The following KDM4B variants were observed in gnomAD, a reference collection of about 807,000 sequenced individuals.
The protein encoded by KDM4B is lysine demethylase 4B, also known as lysine-specific demethylase 4B.
In KDM4B, 32 loss-of-function variants were observed where a neutral mutation model predicts 125.2. That is an observed-to-expected ratio of 0.26 (90% CI 0.19 to 0.34). The LOEUF is 0.34. Ranked by LOEUF, KDM4B falls within the 10% of genes least tolerant of loss-of-function variation. The pLI, the probability that KDM4B is intolerant of heterozygous loss-of-function variation, is 1.00. For synonymous variants in KDM4B, 721 were observed against 677.9 expected (o/e 1.06, Z -0.99); for missense variants, 1,190 against 1,577.7 (o/e 0.75, Z 4.16).
At chr19:5,069,029 A>G (rs2037864142) in intron 6 of KDM4B, among the ~76,000 whole-genome samples, 1 of 152,148 alleles carries the variant, frequency 6.6e-6, no homozygotes, top group African/African-American at 2.4e-5. Context: ...CCCTGTGCGG[A>G]GGGGTCTTTA....
intron 11 of KDM4B, among the ~76,000 whole-genome samples, chr19:5,128,946 G>A (rs1353011907): frequency 6.6e-6 from 1 of 152,098 alleles, no homozygotes; most frequent in African/African-American, 2.4e-5. Flanking sequence ...CAGGACCTGG[G>A]GGTGTTCCAG....
intron 9 of KDM4B, among the ~76,000 whole-genome samples, chr19:5,102,566 TGGGGCC>T (rs1055327354): frequency 6.6e-6 from 1 of 151,208 alleles, no homozygotes; most frequent in Non-Finnish European, 1.5e-5. Flanking sequence ...AGGGGAGGAA[TGGGGCC>T]GGGGCCGGGG....
At chr19:4,987,764 A>G (rs560465249) in intron 1 of KDM4B, among the ~76,000 whole-genome samples, 2 of 152,148 alleles carry the variant, frequency 1.3e-5, no homozygotes, top group South Asian at 4.2e-4. Context: ...GGCTGTCAGG[A>G]GTGAAAGCAG....
At chr19:5,057,582 C>T (rs187764531) in intron 6 of KDM4B, among the ~76,000 whole-genome samples, 5 of 152,310 alleles carry the variant, frequency 3.3e-5, no homozygotes, top group Non-Finnish European at 4.4e-5. Flanking sequence ...TATGATGTTC[C>T]GTTCCTCATG....
chr19:5,137,613 C>A lies in KDM4B; in HGVS notation c.2386-8C>A. On this transcript the variant is annotated splice_polypyrimidine_tract_variant and splice_region_variant and intron_variant, in intron 16 of 22. Transcript: ENST00000159111. ...CCCTGCTCATCCAGGGCTGTCTGGT[C>A]TCCACAGGAGTGCTGCCTGTGCAAC... 1 of 1,603,812 alleles carries A rather than the reference C, an allele frequency of 6.2e-7. No homozygotes were observed. The highest frequency in any genetic ancestry group is 1.1e-5 in the South Asian group (1 of 90,016).
intron 13 of KDM4B, 23 bp downstream of exon 13, chr19:5,132,030 G>C: frequency 6.3e-7 from 1 of 1,589,724 alleles, no homozygotes; most frequent in Non-Finnish European, 8.6e-7. Flanking sequence ...TCCCCAGGTC[G>C]GCTCTCATCA....
chr19:5,091,881 GGC>G (rs1568293057), intron 9 of KDM4B, among the ~76,000 whole-genome samples: 1 of 152,180 alleles, frequency 6.6e-6, no homozygotes, highest in East Asian at 1.9e-4. Flanking sequence ...TCTGATTTAT[GGC>G]GTTGTGGGGC....
chr19:5,119,893 C>T, intron 11 of KDM4B, 41 bp downstream of exon 11: 1 of 1,539,976 alleles, frequency 6.5e-7, no homozygotes, highest in Non-Finnish European at 8.7e-7. Flanking sequence ...GCTGTTTTCC[C>T]ACCCCCGTGG....
rs141270005 is a variant in KDM4B, at chr19:5,053,795, G to C, written c.626+6126G>C. The stretch of plus-strand genomic sequence containing the variant: ...GGCCAGCTGCTACGCCTGAGTAGTA[G>C]TTGCCACCAGCCCAGACCAGCCACT... On this transcript the variant is annotated intron_variant, in intron 6 of 22. Coordinates refer to ENST00000159111, the MANE Select transcript of KDM4B (RefSeq NM_015015.3). Among the ~76,000 whole-genome samples, 354 of 152,362 alleles carry C rather than the reference G, an allele frequency of 2.3e-3. 3 individuals carry two copies. Among genetic ancestry groups the C allele is most frequent in the Middle Eastern group, 0.01 (3 of 294 alleles).
rs893943279 is a variant in KDM4B, at chr19:5,034,447, TACA to T, written c.141+1420_141+1422del. 6.6e-4 allele frequency among the ~76,000 whole-genome samples: 100 copies of T among 152,352 alleles called. 1 individual carries two copies. Among genetic ancestry groups the T allele is most frequent in the African/African-American group, 2.3e-3 (96 of 41,578 alleles). ...ATGAAAGTGCACGGCCCTGTGCCAA[TACA>T]ACATTATTCCTGGATGCTGGAGGGC... On this transcript the variant is annotated intron_variant, in intron 3 of 22. Transcript: ENST00000159111.
intron 10 of KDM4B, chr19:5,111,284 A>G: frequency 1.4e-6 from 1 of 698,600 alleles, no homozygotes; most frequent in Non-Finnish European, 2.6e-6. Context: ...TCAACGGGGC[A>G]TCAGGTGGGG....
intron 1 of KDM4B, among the ~76,000 whole-genome samples, chr19:5,014,045 G>A (rs557228636): frequency 3.4e-4 from 52 of 152,370 alleles, no homozygotes; most frequent in Non-Finnish European, 6.3e-4. Context: ...GGAAGATATG[G>A]AAGTCGGGTG....
At position 5,027,535 on chromosome 19, in the gene KDM4B, CTCTT is replaced by C. The variant is rs1288248831; in HGVS notation, c.-25-5329_-25-5326del. On this transcript the variant is annotated intron_variant, in intron 2 of 22. Transcript: ENST00000159111. Reference sequence around the variant, plus strand: ...TTCTTCCTCCCTCCCTTTCTTCTCTCTCTTTTCAGTTTTTTTTTTTTTTTTTGAG... The same window carrying C: ...TTCTTCCTCCCTCCCTTTCTTCTCTCTTCAGTTTTTTTTTTTTTTTTTGAG... Among the ~76,000 whole-genome samples, 2 of 151,114 alleles carry C rather than the reference CTCTT, an allele frequency of 1.3e-5. 1 individual carries two copies. The highest frequency in any genetic ancestry group is 1.3e-4 in the Admixed American group (2 of 15,146).
chr19:5,127,800 C>G (rs1288528401), intron 11 of KDM4B, among the ~76,000 whole-genome samples: 1 of 152,160 alleles, frequency 6.6e-6, no homozygotes, highest in African/African-American at 2.4e-5. Flanking sequence ...GGCCTCAGCT[C>G]CCCACCCAGC....
intron 1 of KDM4B, among the ~76,000 whole-genome samples, chr19:5,005,042 G>A (rs1227287294): frequency 2.0e-5 from 3 of 152,164 alleles, no homozygotes; most frequent in Non-Finnish European, 2.9e-5. Flanking sequence ...TTTTCTGCGC[G>A]CTCTGTGTGT....
intron 1 of KDM4B, among the ~76,000 whole-genome samples, chr19:4,972,639 AG>A (rs1273998864): frequency 6.6e-6 from 1 of 152,224 alleles, no homozygotes; most frequent in Non-Finnish European, 1.5e-5. Context: ...TCAACCCCGC[AG>A]TGAGAACCTT....
At chr19:5,108,196 G>T (rs887511728) in intron 9 of KDM4B, among the ~76,000 whole-genome samples, 2 of 152,258 alleles carry the variant, frequency 1.3e-5, no homozygotes, top group African/African-American at 4.8e-5. Flanking sequence ...CAATTGCAAA[G>T]CCGCTCAATA....
intron 9 of KDM4B, among the ~76,000 whole-genome samples, chr19:5,091,033 A>G (rs1342256623): frequency 6.6e-6 from 1 of 152,208 alleles, no homozygotes; most frequent in Non-Finnish European, 1.5e-5. Context: ...AATGGGGCAG[A>G]TCAAAAGGAT....
intron 1 of KDM4B, among the ~76,000 whole-genome samples, chr19:5,008,175 G>T (rs1291080449): frequency 2.0e-5 from 3 of 152,220 alleles, no homozygotes; most frequent in East Asian, 3.8e-4. Context: ...GACCTATTTG[G>T]AATTAGTATA....
Sources: allele counts gnomAD v4.1 joint callset (sites outside exome capture counted in the v4.1 genomes callset), GRCh38; gene constraint gnomAD v4.1.1; transcripts MANE v1.5; gene names NCBI Gene and HGNC (gene_info 2026-07-23, HGNC 2026-07-21).